The following GRID2 variants were observed in gnomAD, a reference collection of about 807,000 sequenced individuals.
The protein encoded by GRID2 is glutamate ionotropic receptor delta type subunit 2.
A neutral mutation model predicts 114.8 loss-of-function variants in GRID2; 33 were observed. That is an observed-to-expected ratio of 0.29 (90% CI 0.22 to 0.38). GRID2 has a LOEUF of 0.38. Among genes scored for constraint, GRID2 ranks in the 10% least tolerant of loss-of-function variants. The probability of loss-of-function intolerance (pLI) is 1.00; values close to 1 mark genes in which losing one functional copy is unlikely to be tolerated. For synonymous variants in GRID2, 505 were observed against 449.9 expected, an observed-to-expected ratio of 1.12 and a Z score of -1.55; for missense variants, 1,184 against 1,257.7, an observed-to-expected ratio of 0.94 and a Z score of 0.89.
intron 14 of GRID2, among the ~76,000 whole-genome samples, chr4:93,724,620 C>T (rs187044682): frequency 1.6e-4 from 25 of 152,056 alleles, no homozygotes; most frequent in Admixed American, 5.2e-4. Flanking sequence ...CGAAAAGAGA[C>T]GCTACATGAG....
intron 8 of GRID2, among the ~76,000 whole-genome samples, chr4:93,333,465 A>G (rs936285276): frequency 2.6e-5 from 4 of 152,268 alleles, no homozygotes; most frequent in East Asian, 3.9e-4. Context: ...ACTTCCCACC[A>G]TACATTTTTT....
chr4:92,377,308 C>T (rs1349386923), intron 1 of GRID2, among the ~76,000 whole-genome samples: 1 of 152,076 alleles, frequency 6.6e-6, no homozygotes, highest in East Asian at 1.9e-4. Context: ...GTCTCTTTGC[C>T]AAAACATAAC....
intron 14 of GRID2, among the ~76,000 whole-genome samples, chr4:93,759,096 T>C (rs887418561): frequency 2.0e-5 from 3 of 152,184 alleles, no homozygotes; most frequent in Non-Finnish European, 4.4e-5. Flanking sequence ...TGAAAGATCA[T>C]GTCTGCCATT....
intron 1 of GRID2, among the ~76,000 whole-genome samples, chr4:92,425,552 C>A (rs1016134240): frequency 6.6e-6 from 1 of 152,064 alleles, no homozygotes; most frequent in African/African-American, 2.4e-5. Flanking sequence ...GTTTAGGACA[C>A]ATAGTAGCAA....
chr4:92,421,877 G>A (rs1731926682), intron 1 of GRID2, among the ~76,000 whole-genome samples: 1 of 152,122 alleles, frequency 6.6e-6, no homozygotes, highest in Non-Finnish European at 1.5e-5. Context: ...TGCAAGGGAT[G>A]CTTGGGATTC....
At chr4:93,396,691 C>T (rs949103680) in intron 9 of GRID2, among the ~76,000 whole-genome samples, 1 of 151,918 alleles carries the variant, frequency 6.6e-6, no homozygotes, top group Non-Finnish European at 1.5e-5. Context: ...ATTTCATTTA[C>T]TTATTAAAAA....
chr4:93,113,573 C>T (rs898131067), intron 4 of GRID2, among the ~76,000 whole-genome samples: 7 of 152,138 alleles, frequency 4.6e-5, no homozygotes, highest in African/African-American at 9.7e-5. Flanking sequence ...TAGGCACTAG[C>T]GATACAATGA....
intron 13 of GRID2, among the ~76,000 whole-genome samples, chr4:93,569,480 T>G (rs1735735483): frequency 6.6e-6 from 1 of 152,176 alleles, no homozygotes; most frequent in Non-Finnish European, 1.5e-5. Flanking sequence ...TAATTTTACC[T>G]GGACTCATGC....
Position 92,732,961 on chromosome 4 carries a change from T to C in GRID2, c.244+142675T>C, listed in dbSNP as rs1278477053. Reference sequence around the variant, plus strand: ...AGAGCTAATTTTTAATGTGAAACACTAAGAAACTTTATGATTAATTATATG... The same window carrying C: ...AGAGCTAATTTTTAATGTGAAACACCAAGAAACTTTATGATTAATTATATG... On this transcript the variant is annotated intron_variant, in intron 2 of 15. Transcript: ENST00000282020. Among the ~76,000 whole-genome samples the C allele has an allele frequency of 2.6e-5, 4 of 152,088 alleles. 1 individual carries two copies. The highest frequency in any genetic ancestry group is 5.9e-5 in the Non-Finnish European group (4 of 68,010).
At chr4:92,502,720 T>G (rs1213621462) in intron 1 of GRID2, among the ~76,000 whole-genome samples, 1 of 140,576 alleles carries the variant, frequency 7.1e-6, no homozygotes, top group Non-Finnish European at 1.5e-5. Flanking sequence ...TTTTTTTTTT[T>G]TTTTTTTTTT....
intron 13 of GRID2, among the ~76,000 whole-genome samples, chr4:93,624,404 TCTTTA>T (rs1301862862): frequency 2.6e-5 from 4 of 152,176 alleles, no homozygotes; most frequent in African/African-American, 4.8e-5. Context: ...AGCATAATTT[TCTTTA>T]CTTTAATGGC....
intron 1 of GRID2, among the ~76,000 whole-genome samples, chr4:92,547,240 G>A (rs1726309730): frequency 1.3e-5 from 2 of 152,144 alleles, no homozygotes; most frequent in South Asian, 4.1e-4. Flanking sequence ...TATTAAATAT[G>A]TATACACATG....
intron 2 of GRID2, among the ~76,000 whole-genome samples, chr4:92,740,543 T>A (rs977015405): frequency 2.0e-5 from 3 of 152,172 alleles, no homozygotes; most frequent in African/African-American, 7.2e-5. Flanking sequence ...ATCCCTCCAA[T>A]CACTGTAAAC....
intron 2 of GRID2, among the ~76,000 whole-genome samples, chr4:92,776,625 G>A (rs574590186): frequency 6.6e-6 from 1 of 151,980 alleles, no homozygotes; most frequent in African/African-American, 2.4e-5. Flanking sequence ...GATCTACCAA[G>A]AAAGTAAATG....
At chr4:92,374,558 A>C (rs1015743574) in intron 1 of GRID2, among the ~76,000 whole-genome samples, 19 of 152,126 alleles carry the variant, frequency 1.2e-4, no homozygotes, top group African/African-American at 4.6e-4. Flanking sequence ...CGTGGTCACT[A>C]TATGTGGCTC....
At chr4:93,232,796 A>G (rs981719568) in intron 7 of GRID2, among the ~76,000 whole-genome samples, 1 of 152,104 alleles carries the variant, frequency 6.6e-6, no homozygotes, top group African/African-American at 2.4e-5. Flanking sequence ...GATATCTCAA[A>G]AAGTATTTTT....
intron 8 of GRID2, among the ~76,000 whole-genome samples, chr4:93,310,928 G>A (rs1755944923): frequency 6.6e-6 from 1 of 152,126 alleles, no homozygotes; most frequent in Non-Finnish European, 1.5e-5. Context: ...TAGGTTTACT[G>A]GAACAAACAA....
At chr4:93,561,262 T>A (rs1442150404) in intron 13 of GRID2, among the ~76,000 whole-genome samples, 1 of 152,114 alleles carries the variant, frequency 6.6e-6, no homozygotes, top group East Asian at 1.9e-4. Context: ...AATGAAAAAT[T>A]AAAAATAAAA....
At chr4:92,533,755 A>G (rs1403231766) in intron 1 of GRID2, among the ~76,000 whole-genome samples, 2 of 152,214 alleles carry the variant, frequency 1.3e-5, no homozygotes, top group Non-Finnish European at 2.9e-5. Context: ...ACTATTTACT[A>G]TTTCTTGGAA....
Sources: gnomAD v4.1 joint callset for allele counts (sites outside exome capture counted in the v4.1 genomes callset) on GRCh38, gnomAD v4.1.1 for gene constraint, MANE v1.5 for transcripts, NCBI Gene and HGNC (gene_info 2026-07-23, HGNC 2026-07-21) for gene names.